SDK1: variants seen among roughly 807,000 people sequenced by gnomAD.
The protein encoded by SDK1 is sidekick cell adhesion molecule 1, also known as protein sidekick-1.
Under a neutral mutation model 245.5 loss-of-function variants are expected in SDK1, and 157 were observed. That is an observed-to-expected ratio of 0.64 (90% CI 0.56 to 0.73). The LOEUF (loss-of-function observed/expected upper bound fraction) is 0.73, where lower values mean the gene tolerates loss of function less well. Ranked by LOEUF, SDK1 falls within the 30% of genes least tolerant of loss-of-function variation. The pLI, the probability that SDK1 is intolerant of heterozygous loss-of-function variation, is 0.00. For missense variants in SDK1, 3,583 were observed against 3,002.3 expected, an observed-to-expected ratio of 1.19 and a Z score of -4.52; for synonymous variants, 1,647 against 1,278.5, an observed-to-expected ratio of 1.29 and a Z score of -6.15.
rs546676087 is a variant in SDK1, at chr7:4,106,073, T to C, written c.3325-4590T>C. ...TGACCTTGGCTGCCACCTTCAGTGG[T>C]CCACCCTTTTCCCAATCCATTGATC... On this transcript the variant is annotated intron_variant, in intron 22 of 44. Transcript: ENST00000404826. Among the ~76,000 whole-genome samples, 217 of 152,148 alleles carry C rather than the reference T, an allele frequency of 1.4e-3. 2 individuals carry two copies. The South Asian group carries it at 0.016, about 11-fold the overall frequency.
At chr7:4,222,721 T>C (rs1336046778) in intron 40 of SDK1, among the ~76,000 whole-genome samples, 2 of 152,178 alleles carry the variant, frequency 1.3e-5, no homozygotes, top group Non-Finnish European at 2.9e-5. Context: ...CCTGAGAGTA[T>C]CTTTTGAGCA....
At chr7:3,456,789 AT>A (rs1371985076) in intron 1 of SDK1, among the ~76,000 whole-genome samples, 3 of 152,128 alleles carry the variant, frequency 2.0e-5, no homozygotes, top group Non-Finnish European at 4.4e-5. Flanking sequence ...TCTCTTGGAC[AT>A]TTTGGCTGTT....
intron 17 of SDK1, among the ~76,000 whole-genome samples, chr7:4,032,526 G>A (rs369026424): frequency 9.9e-5 from 15 of 152,252 alleles, no homozygotes; most frequent in African/African-American, 3.6e-4. Flanking sequence ...GCAAGGCGAG[G>A]TATAAATCCC....
In SDK1 at chr7:4,140,249, G is replaced by A. The variant is rs6978064; in HGVS notation, c.4229-5473G>A. ...CTTTGCCTCTGGCCCCCGCTGCATAGCGCTCTCCCTGGGCCCACCTCAGCT... is the reference window on the plus strand; with the variant it reads ...CTTTGCCTCTGGCCCCCGCTGCATAACGCTCTCCCTGGGCCCACCTCAGCT... On this transcript the variant is annotated intron_variant, in intron 28 of 44. Transcript: ENST00000404826. Among the ~76,000 whole-genome samples the A allele has an allele frequency of 2.9e-3, 436 of 152,270 alleles. 4 individuals are homozygous for A. Among genetic ancestry groups the A allele is most frequent in the African/African-American group, 0.01 (418 of 41,566 alleles).
At chr7:4,206,131 G>T in intron 36 of SDK1, 137 bp downstream of exon 36, 1 of 618,466 alleles carries the variant, frequency 1.6e-6, no homozygotes, top group East Asian at 2.9e-5. Flanking sequence ...GTCGGAGCTT[G>T]GCTAGACCTG....
chr7:4,149,688 C>T (rs1166288841), intron 30 of SDK1, among the ~76,000 whole-genome samples: 2 of 152,174 alleles, frequency 1.3e-5, no homozygotes, highest in Non-Finnish European at 2.9e-5. Context: ...TCTGCTCTTC[C>T]AGGTGTGCAG....
chr7:3,567,837 G>A (rs983674696), intron 1 of SDK1, among the ~76,000 whole-genome samples: 1 of 152,002 alleles, frequency 6.6e-6, no homozygotes, highest in African/African-American at 2.4e-5. Flanking sequence ...TCTAAGGCAG[G>A]GTCTTGCCCT....
At chr7:3,771,223 G>C (rs1416962833) in intron 4 of SDK1, among the ~76,000 whole-genome samples, 1 of 152,080 alleles carries the variant, frequency 6.6e-6, no homozygotes, top group Non-Finnish European at 1.5e-5. Flanking sequence ...TTGTGCACAT[G>C]ATGGTTGCAG....
chr7:4,110,174 T>C (rs1224331066), intron 22 of SDK1, among the ~76,000 whole-genome samples: 1 of 152,096 alleles, frequency 6.6e-6, no homozygotes, highest in Non-Finnish European at 1.5e-5. Flanking sequence ...CCAGCAATGG[T>C]GTCTGTTTGG....
chr7:4,145,238 G>A (rs1232730753), intron 28 of SDK1, among the ~76,000 whole-genome samples: 2 of 152,188 alleles, frequency 1.3e-5, no homozygotes, highest in Non-Finnish European at 2.9e-5. Flanking sequence ...AGAGGTGCAG[G>A]CAGACAGGGA....
rs201906214 is a variant in SDK1, at chr7:4,114,025, G to T, written c.3586-12G>T. 6 of 1,612,234 alleles carry T rather than the reference G, an allele frequency of 3.7e-6. No individual in the cohort carries two copies. The East Asian group carries it at 6.7e-5, about 18-fold the overall frequency. The stretch of plus-strand genomic sequence containing the variant: ...AGATGTCAGCTCATCGCGACTCCTC[G>T]TTCCTTCCTAGCCCCTGCCGGATTC... On this transcript the variant is annotated splice_polypyrimidine_tract_variant and intron_variant, in intron 24 of 44. Transcript: ENST00000404826.
At chr7:4,093,164 T>C (rs1426115395) in intron 22 of SDK1, among the ~76,000 whole-genome samples, 1 of 152,120 alleles carries the variant, frequency 6.6e-6, no homozygotes, top group Non-Finnish European at 1.5e-5. Flanking sequence ...AGTAATGCTT[T>C]GCTTAATTAG....
intron 1 of SDK1, among the ~76,000 whole-genome samples, chr7:3,407,107 C>G (rs1318044152): frequency 6.6e-6 from 1 of 152,132 alleles, no homozygotes; most frequent in African/African-American, 2.4e-5. Flanking sequence ...AAACAAATAA[C>G]AGAGACAAGG....
At chr7:3,639,550 G>A (rs763727675) in intron 3 of SDK1, among the ~76,000 whole-genome samples, 11 of 152,144 alleles carry the variant, frequency 7.2e-5, no homozygotes, top group Non-Finnish European at 1.2e-4. Flanking sequence ...GATAGTGAGC[G>A]TCCCCGATGG....
intron 1 of SDK1, among the ~76,000 whole-genome samples, chr7:3,328,380 G>A (rs898237670): frequency 2.6e-5 from 4 of 152,102 alleles, no homozygotes; most frequent in African/African-American, 9.6e-5. Context: ...GAAGTTACTT[G>A]TAAATGATGA....
intron 2 of SDK1, among the ~76,000 whole-genome samples, chr7:3,621,652 C>T (rs1218630039): frequency 1.3e-5 from 2 of 152,176 alleles, no homozygotes; most frequent in Non-Finnish European, 2.9e-5. Context: ...AGCCATTTCT[C>T]TTTTCCGACC....
At chr7:3,588,027 C>A (rs1411583006) in intron 1 of SDK1, among the ~76,000 whole-genome samples, 1 of 152,182 alleles carries the variant, frequency 6.6e-6, no homozygotes, top group South Asian at 2.1e-4. Flanking sequence ...TAAATTGAAT[C>A]TTATTTCAAA....
chr7:3,596,893 G>C (rs548958567), intron 1 of SDK1, among the ~76,000 whole-genome samples: 6 of 152,288 alleles, frequency 3.9e-5, no homozygotes, highest in Admixed American at 2.6e-4. Context: ...TACAGAAACA[G>C]CTAGATTGGT....
chr7:3,783,082 A>G (rs1780794695), intron 4 of SDK1, among the ~76,000 whole-genome samples: 1 of 152,238 alleles, frequency 6.6e-6, no homozygotes. Context: ...AAATCAATAA[A>G]TGTGATATAT....
Sources: gnomAD v4.1 joint callset for allele counts (sites outside exome capture counted in the v4.1 genomes callset) on GRCh38, gnomAD v4.1.1 for gene constraint, MANE v1.5 for transcripts, NCBI Gene and HGNC (gene_info 2026-07-23, HGNC 2026-07-21) for gene names.